The following PIEZO2 variants were observed in gnomAD, a reference collection of about 807,000 sequenced individuals.
The protein encoded by PIEZO2 is piezo type mechanosensitive ion channel component 2.
In PIEZO2, 172 loss-of-function variants were observed where a neutral mutation model predicts 337.3. The ratio of observed to expected loss-of-function variants is 0.51; its 90% confidence interval spans 0.45 to 0.58. PIEZO2 has a LOEUF of 0.58. Among genes scored for constraint, PIEZO2 ranks in the 20% least tolerant of loss-of-function variants. The pLI, the probability that PIEZO2 is intolerant of heterozygous loss-of-function variation, is 0.00. For missense variants in PIEZO2, 3,028 were observed against 3,391.3 expected, an observed-to-expected ratio of 0.89 and a Z score of 2.66; for synonymous variants, 1,251 against 1,228.5, an observed-to-expected ratio of 1.02 and a Z score of -0.38.
chr18:10,691,866 A>G (rs951345752), intron 47 of PIEZO2, among the ~76,000 whole-genome samples: 2 of 149,462 alleles, frequency 1.3e-5, no homozygotes, highest in African/African-American at 2.5e-5. Context: ...TGGACTCTCA[A>G]TTTCTTTTTA....
chr18:10,697,207 G>A (rs7230646), intron 45 of PIEZO2, among the ~76,000 whole-genome samples: 7 of 152,130 alleles, frequency 4.6e-5, no homozygotes, highest in Admixed American at 1.3e-4. Flanking sequence ...TCAACGCCAC[G>A]TTCAGGTGCC....
intron 7 of PIEZO2, among the ~76,000 whole-genome samples, chr18:10,851,974 C>A (rs1350288248): frequency 6.6e-6 from 1 of 152,008 alleles, no homozygotes; most frequent in African/African-American, 2.4e-5. Context: ...AAAGAATAAA[C>A]CAAAAACCAA....
chr18:11,027,893 G>T lies in PIEZO2; in HGVS notation c.160+38234C>A, dbSNP rs2036590288. Among the ~76,000 whole-genome samples, 1 of 152,214 alleles carries T rather than the reference G, an allele frequency of 6.6e-6. No homozygotes were observed. The highest frequency in any genetic ancestry group is 6.5e-5 in the Admixed American group (1 of 15,280). On this transcript the variant is annotated intron_variant, in intron 2 of 55. Coordinates refer to ENST00000674853, the MANE Select transcript of PIEZO2 (RefSeq NM_001378183.1). The surrounding 1 kb of genome is among the most constrained non-coding windows in gnomAD (Gnocchi z 4.2). ...CTTTTAACAGCAAAGTAAGCTTAAA[G>T]AAACAATTGTTAAATATACTAGAAG...
Position 11,021,943 on chromosome 18 carries a change from AG to A in PIEZO2, c.161-42284del, listed in dbSNP as rs2036327418. ...TCCTAAATCCCTGTGCCCCTTGCAG[AG>A]TCACCACGTGTGAAGGGGATTTGCA... On this transcript the variant is annotated intron_variant, in intron 2 of 55. Coordinates refer to ENST00000674853, the MANE Select transcript of PIEZO2 (RefSeq NM_001378183.1). This position sits in a 1 kb window ranked among gnomAD's most constrained non-coding sequence, Gnocchi z 4.7. Among the ~76,000 whole-genome samples the A allele has an allele frequency of 6.6e-6, 1 of 152,140 alleles. No individual in the cohort carries two copies. Among genetic ancestry groups the A allele is most frequent in the South Asian group, 2.1e-4 (1 of 4,830 alleles).
rs368598432 is a variant in PIEZO2, at chr18:11,102,019, C to T, written c.65-35797G>A. Among the ~76,000 whole-genome samples, 3 of 152,248 alleles carry T rather than the reference C, an allele frequency of 2.0e-5. No individual in the cohort carries two copies. In the South Asian group the frequency reaches 6.2e-4, roughly 32 times the overall value. Reference sequence around the variant, plus strand: ...GATTGTGTGCCTGGGGATCCTGGGGCCCTGATTTGGAGGCTATAGACTTAA... The same window carrying T: ...GATTGTGTGCCTGGGGATCCTGGGGTCCTGATTTGGAGGCTATAGACTTAA... On this transcript the variant is annotated intron_variant, in intron 1 of 55. Coordinates refer to ENST00000674853, the MANE Select transcript of PIEZO2 (RefSeq NM_001378183.1). The surrounding 1 kb of genome is among the most constrained non-coding windows in gnomAD (Gnocchi z 5.7).
At chr18:11,103,786 C>CGTGTGTAT (rs1555714093) in intron 1 of PIEZO2, among the ~76,000 whole-genome samples, 1 of 148,296 alleles carries the variant, frequency 6.7e-6, no homozygotes, top group African/African-American at 2.5e-5. Flanking sequence ...AGATGCTGGT[C>CGTGTGTAT]GTGTGTGTGT....
intron 3 of PIEZO2, among the ~76,000 whole-genome samples, chr18:10,937,790 T>G (rs2032488035): frequency 1.3e-5 from 2 of 152,182 alleles, no homozygotes; most frequent in Non-Finnish European, 2.9e-5. Flanking sequence ...TTTCACAGCT[T>G]CTTCCCTGAC....
chr18:10,906,991 C>A (rs1272653263), intron 4 of PIEZO2, among the ~76,000 whole-genome samples: 2 of 152,148 alleles, frequency 1.3e-5, no homozygotes, highest in Admixed American at 1.3e-4. Context: ...TGAAATTGTC[C>A]AAGTCCTCTT....
chr18:10,771,415 A>T (rs1475314999), intron 20 of PIEZO2, among the ~76,000 whole-genome samples: 1 of 152,256 alleles, frequency 6.6e-6, no homozygotes, highest in East Asian at 1.9e-4. Flanking sequence ...ATCTAGAAGG[A>T]CTATGCTGGC....
rs546787192 is a variant in PIEZO2, at chr18:10,930,286, C to T, written c.287-19058G>A. On this transcript the variant is annotated intron_variant, in intron 3 of 55. Transcript: ENST00000674853. ...ATCTATTGTCTCTGAAGCAAGCTAC[C>T]TGGAGACTTCATCTGGATGACAAGA... Among the ~76,000 whole-genome samples the T allele has an allele frequency of 8.2e-4, 125 of 152,294 alleles. 1 individual carries two copies. The highest frequency in any genetic ancestry group is 1.6e-3 in the Non-Finnish European group (108 of 68,026).
At chr18:11,055,210 C>CAAAAAAAAA (rs11390110) in intron 2 of PIEZO2, among the ~76,000 whole-genome samples, 1 of 79,848 alleles carries the variant, frequency 1.3e-5, no homozygotes, top group Admixed American at 1.6e-4. Context: ...GACTCTGTCT[C>CAAAAAAAAA]AAAAAAAAAA....
intron 7 of PIEZO2, among the ~76,000 whole-genome samples, chr18:10,848,134 T>C (rs888849085): frequency 5.3e-5 from 8 of 152,162 alleles, no homozygotes; most frequent in African/African-American, 1.9e-4. Context: ...AATAACCGGA[T>C]TATGTAGCCG....
chr18:10,974,878 G>T (rs1263849979), intron 3 of PIEZO2, among the ~76,000 whole-genome samples: 2 of 152,216 alleles, frequency 1.3e-5, no homozygotes, highest in African/African-American at 4.8e-5. Context: ...GCTGCTTCCC[G>T]CTGGATGGAG....
chr18:10,908,712 A>G (rs2030185714), intron 4 of PIEZO2: 1 of 152,214 alleles, frequency 6.6e-6, no homozygotes, highest in African/African-American at 2.4e-5. Flanking sequence ...CAAAAACCAG[A>G]ATGATCACCA....
At position 10,724,949 on chromosome 18, in the gene PIEZO2, G is replaced by T; in HGVS notation, c.5029+6458C>A. On this transcript the variant is annotated intron_variant, in intron 36 of 55. Coordinates refer to ENST00000674853, the MANE Select transcript of PIEZO2 (RefSeq NM_001378183.1). The surrounding 1 kb of genome is among the most constrained non-coding windows in gnomAD (Gnocchi z 5.8). ...GGACGGCGATGGAACCCAGGTGGGCGCACCCTGCGGCCTGCAGCCTCCCTG... is the reference window on the plus strand; with the variant it reads ...GGACGGCGATGGAACCCAGGTGGGCTCACCCTGCGGCCTGCAGCCTCCCTG... 4.4e-6 allele frequency: 7 copies of T among 1,590,692 alleles called. No individual in the cohort carries two copies. Among genetic ancestry groups the T allele is most frequent in the African/African-American group, 2.7e-5 (2 of 74,626 alleles).
chr18:11,085,141 G>C (rs1204236352), intron 1 of PIEZO2, among the ~76,000 whole-genome samples: 1 of 152,162 alleles, frequency 6.6e-6, no homozygotes, highest in Non-Finnish European at 1.5e-5. Context: ...AGGACTCAGA[G>C]AGGATAAATA....
chr18:11,050,102 C>T (rs1598882974), intron 2 of PIEZO2, among the ~76,000 whole-genome samples: 1 of 152,150 alleles, frequency 6.6e-6, no homozygotes, highest in East Asian at 1.9e-4. Context: ...TCTGTACCAT[C>T]TCAAAAAAGA....
In PIEZO2 at chr18:10,946,598, C is replaced by A. The variant is rs529305253; in HGVS notation, c.286+32937G>T. On this transcript the variant is annotated intron_variant, in intron 3 of 55. Transcript: ENST00000674853. ...CAGTGTCATCAGGGTTGAGGAGGAG[C>A]TGAACTTCCACCTCACCCATCTGCA... Among the ~76,000 whole-genome samples the A allele has an allele frequency of 6.6e-5, 10 of 152,296 alleles. No homozygotes were observed. In the East Asian group the frequency reaches 9.6e-4, roughly 15 times the overall value.
chr18:10,756,915 C>T (rs1302387976), intron 27 of PIEZO2, among the ~76,000 whole-genome samples: 2 of 74,998 alleles, frequency 2.7e-5, no homozygotes, highest in African/African-American at 9.2e-5. Context: ...AATGGGGATA[C>T]GGATGAGGGA....
Sources: allele counts gnomAD v4.1 joint callset (sites outside exome capture counted in the v4.1 genomes callset), GRCh38; gene constraint gnomAD v4.1.1; non-coding constraint Gnocchi (gnomAD v3.1); transcripts MANE v1.5; gene names NCBI Gene and HGNC (gene_info 2026-07-23, HGNC 2026-07-21).